The following SLAIN1 variants were observed in gnomAD, a reference collection of about 807,000 sequenced individuals.
SLAIN1 encodes SLAIN family member 1.
Under a neutral mutation model 55.4 loss-of-function variants are expected in SLAIN1, and 17 were observed. That is an observed-to-expected ratio of 0.31 (90% CI 0.21 to 0.46). The LOEUF (loss-of-function observed/expected upper bound fraction) is 0.46, where lower values mean the gene tolerates loss of function less well. SLAIN1 is among the 20% of genes least tolerant of loss of function. The pLI, the probability that SLAIN1 is intolerant of heterozygous loss-of-function variation, is 1.00. For missense variants in SLAIN1, 682 were observed against 785.1 expected (o/e 0.87, Z 1.57); for synonymous variants, 348 against 337.4 (o/e 1.03, Z -0.35).
chr13:77,722,780 C>T (rs758322296), intron 2 of SLAIN1, among the ~76,000 whole-genome samples: 3 of 152,132 alleles, frequency 2.0e-5, no homozygotes, highest in African/African-American at 4.8e-5. Flanking sequence ...CAGATTCTTG[C>T]TCTGTGCCCA....
chr13:77,736,938 T>G (rs1249569437), intron 2 of SLAIN1, among the ~76,000 whole-genome samples: 1 of 152,070 alleles, frequency 6.6e-6, no homozygotes. Context: ...CCTTGTGTAT[T>G]TTCTCCTTGG....
At position 77,697,696 on chromosome 13, in the gene SLAIN1, A is replaced by G. The variant is rs956392498; in HGVS notation, c.-218A>G. ...GCCGCCGCGACGCCCAGGGGACTGG[A>G]GGGACGCACTGAGCATGTGCAGATC... On this transcript the variant is annotated 5_prime_UTR_variant, in exon 1 of 7. Transcript: ENST00000418532. Among the ~76,000 whole-genome samples the G allele has an allele frequency of 6.9e-6, 1 of 145,556 alleles. No individual in the cohort carries two copies. Among genetic ancestry groups the G allele is most frequent in the Non-Finnish European group, 1.5e-5 (1 of 67,030 alleles).
intron 1 of SLAIN1, among the ~76,000 whole-genome samples, chr13:77,701,383 G>A (rs944937247): frequency 3.9e-5 from 6 of 151,926 alleles, no homozygotes; most frequent in African/African-American, 1.5e-4. Flanking sequence ...ACAATATTTG[G>A]GTTAAGAGTT....
intron 2 of SLAIN1, among the ~76,000 whole-genome samples, chr13:77,739,303 A>C (rs774957157): frequency 6.6e-6 from 1 of 152,056 alleles, no homozygotes; most frequent in Non-Finnish European, 1.5e-5. Context: ...ATATGTCAGG[A>C]TAGGAGTGGT....
chr13:77,750,492 G>A (rs1205416892), intron 4 of SLAIN1, among the ~76,000 whole-genome samples: 1 of 151,996 alleles, frequency 6.6e-6, no homozygotes, highest in Non-Finnish European at 1.5e-5. Flanking sequence ...TCTAGATATG[G>A]CCACTAAGAT....
chr13:77,698,384 C>A lies in SLAIN1; in HGVS notation c.471C>A (p.Phe157Leu). The A allele has an allele frequency of 7.0e-7, 1 of 1,420,268 alleles. No homozygotes were observed. Among genetic ancestry groups the A allele is most frequent in the South Asian group, 1.4e-5 (1 of 69,146 alleles). 88.0% of individuals were successfully genotyped at this position (1,420,268 alleles called of 1,614,324 possible). A position where few individuals can be genotyped will look rare whatever the true frequency, so the allele number is the denominator to read the frequency against. ...FVYFKPAAGF[F>L]GAGGGGPEPG... is the part of the protein sequence containing the mutation. ...ACTTCAAGCCGGCAGCAGGCTTCTT[C>A]GGCGCGGGCGGTGGCGGGCCGGAGC... Residue 157 changes from phenylalanine to leucine, a missense_variant, in exon 1 of 7, where the codon TTC becomes TTA. This residue lies in a region of SLAIN1 where 401 missense variants were observed against 417.3 expected (regional missense o/e 0.96). Transcript: ENST00000418532. The surrounding 1 kb of genome is among the most constrained non-coding windows in gnomAD (Gnocchi z 4.1).
At chr13:77,702,856 G>C (rs1475775792) in intron 1 of SLAIN1, among the ~76,000 whole-genome samples, 6 of 152,086 alleles carry the variant, frequency 3.9e-5, no homozygotes, top group Non-Finnish European at 8.8e-5. Context: ...TACAATGCTT[G>C]CTTTGATTAA....
intron 1 of SLAIN1, among the ~76,000 whole-genome samples, chr13:77,716,530 G>T (rs2091209618): frequency 6.6e-6 from 1 of 152,124 alleles, no homozygotes; most frequent in South Asian, 2.1e-4. Context: ...CTCCAGTTAT[G>T]TCCTCTTTAA....
intron 1 of SLAIN1, among the ~76,000 whole-genome samples, chr13:77,710,292 T>C (rs934746638): frequency 6.6e-6 from 1 of 152,018 alleles, no homozygotes; most frequent in Non-Finnish European, 1.5e-5. Context: ...GCAAATTGTA[T>C]AAAGAGTCAA....
At chr13:77,713,986 C>T (rs1472384319) in intron 1 of SLAIN1, among the ~76,000 whole-genome samples, 2 of 150,762 alleles carry the variant, frequency 1.3e-5, no homozygotes, top group African/African-American at 2.4e-5. Context: ...AACACATGGA[C>T]ACAGGGAGTG....
At chr13:77,741,644 GA>G (rs1238077334) in intron 2 of SLAIN1, 3 of 148,242 alleles carry the variant, frequency 2.0e-5, no homozygotes, top group African/African-American at 5.8e-5. Context: ...GAAGTAAAAG[GA>G]ATTTTTTTTT....
Position 77,763,368 on chromosome 13 carries a change from C to T in SLAIN1, c.*148C>T. ...GCATTGTTTCTCAATGGACCAGTCA[C>T]CAGAGACTAATTATTGCACTTAAAT... On this transcript the variant is annotated 3_prime_UTR_variant, in exon 7 of 7. Coordinates refer to ENST00000418532, the MANE Select transcript of SLAIN1 (RefSeq NM_001242868.2). The T allele has an allele frequency of 1.6e-6, 1 of 620,186 alleles. No individual in the cohort carries two copies. Among genetic ancestry groups the T allele is most frequent in the South Asian group, 2.0e-5 (1 of 49,792 alleles). 38.4% of individuals were successfully genotyped at this position (620,186 alleles called of 1,614,324 possible). A position where few individuals can be genotyped will look rare whatever the true frequency, so the allele number is the denominator to read the frequency against.
chr13:77,762,330 A>G lies in SLAIN1; in HGVS notation c.1698-815A>G, dbSNP rs189323434. ...AAACTCTTGGAAAGGTCACTGCTAG[A>G]CAATGTGAGATGGTCTATTTCCCCA... On this transcript the variant is annotated intron_variant, in intron 6 of 6. Coordinates refer to ENST00000418532, the MANE Select transcript of SLAIN1 (RefSeq NM_001242868.2). Among the ~76,000 whole-genome samples the G allele has an allele frequency of 2.5e-3, 380 of 152,350 alleles. 2 individuals carry two copies. The highest frequency in any genetic ancestry group is 3.9e-3 in the Non-Finnish European group (262 of 68,018).
In SLAIN1 at chr13:77,763,769, G is replaced by A. The variant is rs1365263562; in HGVS notation, c.*549G>A. On this transcript the variant is annotated 3_prime_UTR_variant, in exon 7 of 7. Transcript: ENST00000418532. ...GCCATAAAAATATTTTTGTGGTAAG[G>A]TACTATTTTTTTAGCTCTAGGGATA... The A allele has an allele frequency of 6.5e-6, 1 of 152,770 alleles. No individual in the cohort carries two copies. Among genetic ancestry groups the A allele is most frequent in the African/African-American group, 2.4e-5 (1 of 41,400 alleles). 9.5% of individuals were successfully genotyped at this position (152,770 alleles called of 1,614,324 possible).
In SLAIN1 at chr13:77,761,003, C is replaced by G; in HGVS notation, c.1590C>G (p.Asn530Lys). The G allele has an allele frequency of 6.2e-7, 1 of 1,614,178 alleles. No homozygotes were observed. The highest frequency in any genetic ancestry group is 1.1e-5 in the South Asian group (1 of 91,088). ...CCAACACAGGAATCCCCACACCGAA[C>G]AAAGCTGCAGCTTCTGGGATAATGG... ...LYSNTGIPTP[N>K]KAAASGIMGR... Residue 530 changes from asparagine to lysine, a missense_variant, in exon 6 of 7, where the codon AAC becomes AAG. By Grantham distance (94) the Asn-to-Lys change is moderately conservative. Around this residue, in one of 3 missense-constraint regions of SLAIN1, gnomAD observed 244 missense variants for 295.2 expected, o/e 0.83. Coordinates refer to ENST00000418532, the MANE Select transcript of SLAIN1 (RefSeq NM_001242868.2).
chr13:77,716,277 A>G (rs2091206335), intron 1 of SLAIN1, among the ~76,000 whole-genome samples: 1 of 151,476 alleles, frequency 6.6e-6, no homozygotes, highest in African/African-American at 2.4e-5. Flanking sequence ...TTTTTATGCT[A>G]CACTAAACTG....
chr13:77,709,740 A>G (rs1036936930), intron 1 of SLAIN1, among the ~76,000 whole-genome samples: 2 of 152,128 alleles, frequency 1.3e-5, no homozygotes, highest in Non-Finnish European at 2.9e-5. Flanking sequence ...GCCTTACAAG[A>G]GCTCCTGAAG....
intron 2 of SLAIN1, among the ~76,000 whole-genome samples, chr13:77,725,993 A>T (rs1376776827): frequency 6.6e-6 from 1 of 152,174 alleles, no homozygotes; most frequent in Non-Finnish European, 1.5e-5. Context: ...TGCTGCCTAC[A>T]TTTGTGATTT....
intron 2 of SLAIN1, among the ~76,000 whole-genome samples, chr13:77,742,582 A>C (rs896134889): frequency 1.3e-5 from 2 of 151,950 alleles, no homozygotes; most frequent in African/African-American, 4.8e-5. Context: ...AAAATATAGA[A>C]TTACATATAG....
Sources: allele counts gnomAD v4.1 joint callset (sites outside exome capture counted in the v4.1 genomes callset), GRCh38; gene constraint gnomAD v4.1.1; regional missense constraint gnomAD v4.1.1; non-coding constraint Gnocchi (gnomAD v3.1); transcripts MANE v1.5; gene names NCBI Gene and HGNC (gene_info 2026-07-23, HGNC 2026-07-21).